SIPA1L3: variants seen among roughly 807,000 people sequenced by gnomAD.
SIPA1L3 encodes signal-induced proliferation-associated 1-like protein 3.
SIPA1L3 carries 59 observed loss-of-function variants against 150.1 expected under a neutral mutation model. The ratio of observed to expected loss-of-function variants is 0.39; its 90% CI spans 0.32 to 0.49. The LOEUF (loss-of-function observed/expected upper bound fraction) is 0.49. Among genes scored for constraint, SIPA1L3 ranks in the 20% least tolerant of loss-of-function variants. The pLI, the probability that SIPA1L3 is intolerant of heterozygous loss-of-function variation, is 0.86. For missense variants in SIPA1L3, 2,211 were observed against 2,489.5 expected (o/e 0.89, Z 2.38); for synonymous variants, 1,070 against 1,077.6 (o/e 0.99, Z 0.14).
intron 12 of SIPA1L3, among the ~76,000 whole-genome samples, chr19:38,150,078 T>C (rs1217542693): frequency 6.6e-6 from 1 of 152,210 alleles, no homozygotes; most frequent in Non-Finnish European, 1.5e-5. Context: ...AGATGAAGAT[T>C]GCTTATAGTC....
intron 1 of SIPA1L3, among the ~76,000 whole-genome samples, chr19:37,915,298 A>G (rs1480641616): frequency 6.6e-6 from 1 of 152,126 alleles, no homozygotes; most frequent in East Asian, 1.9e-4. Context: ...GTAGTGTCCA[A>G]GGAGAGGGAG....
rs755730003 is a variant in SIPA1L3 at position 37,935,572 on chromosome 19, G to A, written c.-379+28214G>A. ...GCTCAGCAGGATGGTTCTTCTGCTG[G>A]TCTTGCTTGGGGTCTGTTATGTGGC... On this transcript the variant is annotated intron_variant, in intron 1 of 21. Transcript: ENST00000222345. Among the ~76,000 whole-genome samples the A allele has an allele frequency of 2.1e-4, 32 of 152,310 alleles. No homozygotes were observed. In the Middle Eastern group the frequency reaches 0.017, roughly 81 times the overall value.
chr19:38,134,852 C>G (rs1402966476), intron 10 of SIPA1L3, among the ~76,000 whole-genome samples: 2 of 151,948 alleles, frequency 1.3e-5, no homozygotes, highest in Non-Finnish European at 2.9e-5. Context: ...CCGGGAAGGC[C>G]CGAAGGTGAG....
At chr19:38,189,437 TC>T (rs1212855745) in intron 16 of SIPA1L3, among the ~76,000 whole-genome samples, 2 of 152,052 alleles carry the variant, frequency 1.3e-5, no homozygotes, top group Non-Finnish European at 2.9e-5. Flanking sequence ...GACCTAAGTT[TC>T]TTGGCAATAG....
rs1284042917 is a variant in SIPA1L3 at position 38,082,073 on chromosome 19, A to C, written c.508A>C (p.Ser170Arg). Residue 170 changes from serine to arginine, a missense_variant, in exon 3 of 22, where the codon AGC becomes CGC. This residue lies in a region of SIPA1L3 where 587 missense variants were observed against 534.5 expected (regional missense o/e 1.10). Coordinates refer to ENST00000222345, the MANE Select transcript of SIPA1L3 (RefSeq NM_015073.3). ...GGCCTTCCTCCCCCTTCGGCACCGCAGCAGCAGCGAGATCACCCTCAGCGA... is the reference window on the plus strand; with the variant it reads ...GGCCTTCCTCCCCCTTCGGCACCGCCGCAGCAGCGAGATCACCCTCAGCGA... ...GRAFLPLRHR[S>R]SSEITLSECD... is the part of the protein sequence containing the mutation. 5.6e-6 allele frequency: 9 copies of C among 1,612,276 alleles called. No individual in the cohort carries two copies. The highest frequency in any genetic ancestry group is 6.8e-6 in the Non-Finnish European group (8 of 1,179,914).
At chr19:38,162,583 G>C (rs778167330) in intron 14 of SIPA1L3, among the ~76,000 whole-genome samples, 6 of 152,168 alleles carry the variant, frequency 3.9e-5, no homozygotes, top group Non-Finnish European at 5.9e-5. Flanking sequence ...TTACCTCCTC[G>C]AGCCGCAGTT....
intron 1 of SIPA1L3, among the ~76,000 whole-genome samples, chr19:37,927,655 GTGTGTGT>G (rs2046516837): frequency 1.3e-4 from 1 of 7,462 alleles, no homozygotes; most frequent in Non-Finnish European, 2.6e-4. Flanking sequence ...AGAACATGGG[GTGTGTGT>G]GTGTGTGTGT....
chr19:38,105,626 A>T (rs905902232), intron 6 of SIPA1L3, among the ~76,000 whole-genome samples: 5 of 152,138 alleles, frequency 3.3e-5, no homozygotes, highest in African/African-American at 9.7e-5. Flanking sequence ...CACATCCCTG[A>T]CTGGTATAAT....
intron 3 of SIPA1L3, among the ~76,000 whole-genome samples, chr19:38,083,715 G>A (rs1329095442): frequency 3.3e-5 from 5 of 152,186 alleles, no homozygotes; most frequent in East Asian, 3.9e-4. Flanking sequence ...GAACTGCCCG[G>A]CGCAGTGGCT....
At chr19:38,034,881 C>T (rs890707232) in intron 2 of SIPA1L3, among the ~76,000 whole-genome samples, 8 of 152,192 alleles carry the variant, frequency 5.3e-5, no homozygotes, top group African/African-American at 1.9e-4. Flanking sequence ...TGGTTGATTG[C>T]GCACACATTT....
chr19:38,021,961 A>G (rs1238718565), intron 1 of SIPA1L3, among the ~76,000 whole-genome samples: 1 of 152,228 alleles, frequency 6.6e-6, no homozygotes, highest in Non-Finnish European at 1.5e-5. Flanking sequence ...TCTTCTAGAC[A>G]TGTTCATATT....
rs1599780020 is a variant in SIPA1L3, at chr19:37,907,266, C to T, written c.-471C>T. The T allele has an allele frequency of 6.6e-6, 1 of 152,558 alleles. No individual in the cohort carries two copies. The highest frequency in any genetic ancestry group is 6.5e-5 in the Admixed American group (1 of 15,290). 9.5% of individuals were successfully genotyped at this position (152,558 alleles called of 1,614,324 possible). A position where few individuals can be genotyped will look rare whatever the true frequency, so the allele number is the denominator to read the frequency against. On this transcript the variant is annotated 5_prime_UTR_variant, in exon 1 of 22. Coordinates refer to ENST00000222345, the MANE Select transcript of SIPA1L3 (RefSeq NM_015073.3). ...GGAAGTGGGCAGCCTGGAAGTCACT[C>T]GGGCCACCGGAGCTGGCGGCGTCTC... is the stretch of plus-strand genomic sequence containing the variant.
intron 19 of SIPA1L3, among the ~76,000 whole-genome samples, chr19:38,199,158 C>CT (rs1417955202): frequency 6.6e-6 from 1 of 151,764 alleles, no homozygotes; most frequent in Non-Finnish European, 1.5e-5. Context: ...AGGGTTTGCT[C>CT]TGCCACCCAG....
chr19:38,141,136 G>A (rs771664406), intron 10 of SIPA1L3, 48 bp from the exon 11 acceptor site: 34 of 1,515,752 alleles, frequency 2.2e-5, no homozygotes, highest in South Asian at 3.9e-5. Context: ...GCAGGCCCAC[G>A]TGTTGGTGGG....
chr19:38,119,613 A>G lies in SIPA1L3; in HGVS notation c.2599A>G (p.Ser867Gly). Residue 867 changes from serine (S) to glycine (G), a missense_variant, in exon 9 of 22, where the codon AGT (serine) becomes GGT (glycine). Transcript: ENST00000222345. ...AGCACGGGCTGGCGCTGAGCAGCAC[A>G]GTGCAGGGGCCATCGCCTGGAGGGT... ...TKARAGAEQH[S>G]AGAIAWRVVA... The G allele has an allele frequency of 6.2e-7, 1 of 1,614,220 alleles. No individual in the cohort carries two copies. The highest frequency in any genetic ancestry group is 2.2e-5 in the East Asian group (1 of 44,884).
chr19:38,024,839 G>T (rs1968464739), intron 1 of SIPA1L3, among the ~76,000 whole-genome samples: 1 of 152,082 alleles, frequency 6.6e-6, no homozygotes, highest in Non-Finnish European at 1.5e-5. Context: ...TTAGTTTGTT[G>T]TAAGCGACAG....
chr19:37,933,283 C>T (rs1568468868), intron 1 of SIPA1L3, among the ~76,000 whole-genome samples: 1 of 152,006 alleles, frequency 6.6e-6, no homozygotes, highest in Non-Finnish European at 1.5e-5. Context: ...TGCAACACTT[C>T]CCCTAGAATT....
intron 1 of SIPA1L3, among the ~76,000 whole-genome samples, chr19:37,927,265 CT>C (rs1568466603): frequency 6.6e-6 from 1 of 151,796 alleles, no homozygotes; most frequent in Non-Finnish European, 1.5e-5. Flanking sequence ...CTACCTCAGC[CT>C]CCCGAGTAGC....
chr19:38,165,019 G>C (rs533542771), intron 15 of SIPA1L3, 113 bp downstream of exon 15: 6 of 1,011,118 alleles, frequency 5.9e-6, no homozygotes, highest in African/African-American at 1.6e-5. Flanking sequence ...GGATGAATGC[G>C]CCTAGTCATT....
Sources: allele counts gnomAD v4.1 joint callset (sites outside exome capture counted in the v4.1 genomes callset), GRCh38; gene constraint gnomAD v4.1.1; regional missense constraint gnomAD v4.1.1; transcripts MANE v1.5; gene names NCBI Gene and HGNC (gene_info 2026-07-23, HGNC 2026-07-21).